Variants in MCTP1 observed in about 807,000 individuals in gnomAD.
MCTP1 encodes the protein multiple C2 and transmembrane domain-containing protein 1.
In MCTP1, 69 loss-of-function variants were observed where a neutral mutation model predicts 120.6. The observed-to-expected ratio is 0.57, with a 90% CI of 0.47 to 0.70. The LOEUF (loss-of-function observed/expected upper bound fraction) is 0.70. Among genes scored for constraint, MCTP1 ranks in the 30% least tolerant of loss-of-function variants. MCTP1 has a pLI of 0.00. For missense variants in MCTP1, 1,203 were observed against 1,248.8 expected (o/e 0.96, Z 0.55); for synonymous variants, 529 against 493.1 (o/e 1.07, Z -0.96).
At chr5:94,776,869 C>T (rs564041044) in intron 19 of MCTP1, among the ~76,000 whole-genome samples, 2 of 152,242 alleles carry the variant, frequency 1.3e-5, no homozygotes, top group African/African-American at 2.4e-5. Flanking sequence ...GAAAGCCTGT[C>T]GAGATGGAAG....
intron 1 of MCTP1, among the ~76,000 whole-genome samples, chr5:95,219,668 ACAGT>A (rs777562228): frequency 7.2e-5 from 11 of 152,198 alleles, no homozygotes; most frequent in Non-Finnish European, 1.6e-4. Flanking sequence ...ACCTGAGACA[ACAGT>A]CAGTCAAACA....
At chr5:95,181,812 G>A (rs906564358) in intron 1 of MCTP1, among the ~76,000 whole-genome samples, 100 of 152,176 alleles carry the variant, frequency 6.6e-4, no homozygotes, top group African/African-American at 2.3e-3. Flanking sequence ...AGAGAGATGT[G>A]CATAATGATC....
chr5:95,093,722 C>T (rs760322974), intron 1 of MCTP1, among the ~76,000 whole-genome samples: 13 of 152,168 alleles, frequency 8.5e-5, no homozygotes, highest in Non-Finnish European at 1.6e-4. Context: ...ATGCTGTTCT[C>T]ACAATGTGAC....
At chr5:94,785,996 A>G (rs1777599553) in intron 18 of MCTP1, among the ~76,000 whole-genome samples, 2 of 152,170 alleles carry the variant, frequency 1.3e-5, no homozygotes, top group African/African-American at 4.8e-5. Flanking sequence ...ATATGATTCC[A>G]TATATGGAAT....
At chr5:95,009,014 G>C (rs551080029) in intron 2 of MCTP1, among the ~76,000 whole-genome samples, 1 of 151,276 alleles carries the variant, frequency 6.6e-6, no homozygotes, top group East Asian at 2.0e-4. Context: ...GGGTGACCCT[G>C]TCTCTGAGAG....
rs528018245 is a variant in MCTP1, at chr5:95,204,684, A to G, written c.720+79172T>C. 3.0e-4 allele frequency among the ~76,000 whole-genome samples: 46 copies of G among 152,304 alleles called. No homozygotes were observed. In the South Asian group the frequency reaches 4.1e-3, roughly 14 times the overall value. ...TAAACAAGTTCTACAAGATTGCAGG[A>G]CAAGATTAATATATAAATTAATTTC... On this transcript the variant is annotated intron_variant, in intron 1 of 22. Transcript: ENST00000515393.
In MCTP1 at chr5:94,923,993, G is replaced by T; in HGVS notation, c.1241C>A (p.Ser414Tyr). 6.6e-7 allele frequency: 1 copy of T among 1,516,726 alleles called. No homozygotes were observed. The highest frequency in any genetic ancestry group is 8.8e-7 in the Non-Finnish European group (1 of 1,136,990). 94.0% of individuals were successfully genotyped at this position (1,516,726 alleles called of 1,614,324 possible). ...KELSENEVVG[S>Y]YFSVKSLFWR... is the part of the protein sequence containing the mutation. Reference sequence around the variant, plus strand: ...AAAGAGAGACTTCACAGAGAAATAAGATCCAACCACTTCATTTTCTGAAAG... The same window carrying T: ...AAAGAGAGACTTCACAGAGAAATAATATCCAACCACTTCATTTTCTGAAAG... Residue 414 changes from serine to tyrosine, a missense_variant, in exon 7 of 23, where the codon TCT (serine) becomes TAT (tyrosine). Ser to Tyr is a moderately radical substitution (Grantham distance 144). Transcript: ENST00000515393.
chr5:94,949,106 T>C (rs2153523415), intron 3 of MCTP1, among the ~76,000 whole-genome samples: 1 of 152,308 alleles, frequency 6.6e-6, no homozygotes, highest in African/African-American at 2.4e-5. Flanking sequence ...GTGCTCCCAA[T>C]TAATACTCCA....
chr5:95,263,327 AAGCT>A (rs1758625148), intron 1 of MCTP1, among the ~76,000 whole-genome samples: 3 of 152,166 alleles, frequency 2.0e-5, no homozygotes, highest in Non-Finnish European at 4.4e-5. Flanking sequence ...TTCTTCAGCC[AAGCT>A]ATGGATCAAA....
At chr5:95,222,180 G>C (rs1220053059) in intron 1 of MCTP1, among the ~76,000 whole-genome samples, 1 of 152,164 alleles carries the variant, frequency 6.6e-6, no homozygotes, top group African/African-American at 2.4e-5. Context: ...TCCTCAGCAC[G>C]CAGCTTCCAC....
In MCTP1 at chr5:94,710,567, T is replaced by C. The variant is rs542090193; in HGVS notation, c.2830+251A>G. ...ATCTAGACAAAGCTACACTTTGATATATGAAGAATCTGCACAACTAACATG... is the reference window on the plus strand; with the variant it reads ...ATCTAGACAAAGCTACACTTTGATACATGAAGAATCTGCACAACTAACATG... On this transcript the variant is annotated intron_variant, in intron 21 of 22. Transcript: ENST00000515393. 5.3e-5 allele frequency: 19 copies of C among 357,900 alleles called. No individual in the cohort carries two copies. The South Asian group carries it at 1.0e-3, about 19-fold the overall frequency. 22.2% of individuals were successfully genotyped at this position (357,900 alleles called of 1,614,324 possible). A position where few individuals can be genotyped will look rare whatever the true frequency, so the allele number is the denominator to read the frequency against.
chr5:95,259,413 G>A (rs1464028703), intron 1 of MCTP1, among the ~76,000 whole-genome samples: 5 of 152,134 alleles, frequency 3.3e-5, no homozygotes, highest in Admixed American at 3.3e-4. Context: ...TGCTGTGCTG[G>A]TGGCCAGATT....
At position 94,793,931 on chromosome 5, in the gene MCTP1, C is replaced by T. The variant is rs140227555; in HGVS notation, c.2556+5082G>A. 5.4e-3 allele frequency among the ~76,000 whole-genome samples: 818 copies of T among 152,330 alleles called. 7 individuals carry two copies. The highest frequency in any genetic ancestry group is 0.018 in the African/African-American group (736 of 41,580). On this transcript the variant is annotated intron_variant, in intron 18 of 22. Transcript: ENST00000515393. ...ATTTGTAGAGATAAGTGCTCTGGTTCTCACTGGAACAGACCTAATGGGAGA... is the reference window on the plus strand; with the variant it reads ...ATTTGTAGAGATAAGTGCTCTGGTTTTCACTGGAACAGACCTAATGGGAGA...
At chr5:95,107,950 T>C (rs1044829539) in intron 1 of MCTP1, among the ~76,000 whole-genome samples, 2 of 152,164 alleles carry the variant, frequency 1.3e-5, no homozygotes, top group Admixed American at 1.3e-4. Context: ...TATCAACCCA[T>C]CACCTAGGTA....
At chr5:94,736,899 C>G (rs1764386422) in intron 19 of MCTP1, among the ~76,000 whole-genome samples, 1 of 152,216 alleles carries the variant, frequency 6.6e-6, no homozygotes, top group South Asian at 2.1e-4. Context: ...AGAGTCTACT[C>G]TGTACTTGGT....
At chr5:95,101,933 T>C (rs1449351101) in intron 1 of MCTP1, among the ~76,000 whole-genome samples, 1 of 152,188 alleles carries the variant, frequency 6.6e-6, no homozygotes, top group Non-Finnish European at 1.5e-5. Flanking sequence ...CTGTATTTCA[T>C]CCACTAGATC....
intron 4 of MCTP1, among the ~76,000 whole-genome samples, chr5:94,940,471 C>T (rs1285456355): frequency 6.7e-6 from 1 of 149,270 alleles, no homozygotes; most frequent in Non-Finnish European, 1.5e-5. Flanking sequence ...AGAAGCCTAT[C>T]AGTCTCCTTT....
At chr5:95,076,413 T>A (rs1219929372) in intron 1 of MCTP1, among the ~76,000 whole-genome samples, 1 of 148,032 alleles carries the variant, frequency 6.8e-6, no homozygotes, top group Non-Finnish European at 1.5e-5. Flanking sequence ...TGTTTCAGAA[T>A]TGATTTCAAG....
At position 95,224,545 on chromosome 5, in the gene MCTP1, T is replaced by A. The variant is rs540993405; in HGVS notation, c.720+59311A>T. On this transcript the variant is annotated intron_variant, in intron 1 of 22. Coordinates refer to ENST00000515393, the MANE Select transcript of MCTP1 (RefSeq NM_024717.7). Reference sequence around the variant, plus strand: ...TTTTTTGAGACAGGGTTTCACTGTGTCCCCCAGGCTGGAATGCAGTGGCAT... The same window carrying A: ...TTTTTTGAGACAGGGTTTCACTGTGACCCCCAGGCTGGAATGCAGTGGCAT... Among the ~76,000 whole-genome samples the A allele has an allele frequency of 4.7e-5, 7 of 148,126 alleles. No homozygotes were observed. In the South Asian group the frequency reaches 1.5e-3, roughly 32 times the overall value.
Sources: allele counts gnomAD v4.1 joint callset (sites outside exome capture counted in the v4.1 genomes callset), GRCh38; gene constraint gnomAD v4.1.1; transcripts MANE v1.5; gene names NCBI Gene and HGNC (gene_info 2026-07-23, HGNC 2026-07-21).